The following PCYT1A variants were observed in gnomAD, a reference collection of about 807,000 sequenced individuals.
The protein encoded by PCYT1A is phosphate cytidylyltransferase 1A, choline.
Under a neutral mutation model 43.7 loss-of-function variants are expected in PCYT1A, and 25 were observed. The ratio of observed to expected loss-of-function variants is 0.57; its 90% CI spans 0.42 to 0.80. The LOEUF is 0.80. Among genes scored for constraint, PCYT1A ranks in the 30% least tolerant of loss-of-function variants. The pLI, the probability that PCYT1A is intolerant of heterozygous loss-of-function variation, is 0.00. For missense variants in PCYT1A, 421 were observed against 474.2 expected (o/e 0.89, Z 1.04); for synonymous variants, 172 against 170.7 (o/e 1.01, Z -0.06).
intron 3 of PCYT1A, among the ~76,000 whole-genome samples, chr3:196,250,066 G>A (rs1467132754): frequency 1.3e-5 from 2 of 150,506 alleles, no homozygotes; most frequent in African/African-American, 4.9e-5. Flanking sequence ...ACCATGCCGA[G>A]GCTGAGGACC....
intron 3 of PCYT1A, among the ~76,000 whole-genome samples, chr3:196,257,466 A>G (rs960609978): frequency 6.6e-6 from 1 of 152,240 alleles, no homozygotes; most frequent in South Asian, 2.1e-4. Flanking sequence ...ACCCTGACAC[A>G]TGATTTGGAC....
At chr3:196,283,239 G>A (rs1407612368) in intron 1 of PCYT1A, among the ~76,000 whole-genome samples, 1 of 152,050 alleles carries the variant, frequency 6.6e-6, no homozygotes. Context: ...GCAGGAGATC[G>A]CTTGAACCCA....
chr3:196,241,740 T>C (rs1186456499), intron 7 of PCYT1A: 3 of 1,293,432 alleles, frequency 2.3e-6, no homozygotes, highest in African/African-American at 1.5e-5. Context: ...GCTGTATGGC[T>C]TTATACGAAT....
chr3:196,275,867 G>C (rs1725573713), intron 1 of PCYT1A, among the ~76,000 whole-genome samples: 2 of 152,070 alleles, frequency 1.3e-5, no homozygotes, highest in Non-Finnish European at 2.9e-5. Context: ...GGACGCCAAG[G>C]CAGGCGGATC....
intron 7 of PCYT1A, 57 bp downstream of exon 7, chr3:196,241,891 G>T: frequency 6.3e-7 from 1 of 1,588,524 alleles, no homozygotes; most frequent in Non-Finnish European, 8.6e-7. Context: ...GAGATGGAGT[G>T]GGAGGTGATA....
chr3:196,275,484 T>C (rs2173600), intron 1 of PCYT1A, among the ~76,000 whole-genome samples: 121,970 of 152,196 alleles, frequency 0.8, 49,866 homozygotes, highest in East Asian at 0.98. Flanking sequence ...GCCTGTAATC[T>C]CAGCCTTTGG....
chr3:196,239,953 A>G, intron 7 of PCYT1A: 2 of 516,874 alleles, frequency 3.9e-6, no homozygotes, highest in Non-Finnish European at 6.9e-6. Context: ...GGCATTTGGG[A>G]ATAAACTAAA....
chr3:196,239,925 G>A (rs1724299940), intron 7 of PCYT1A, 190 bp from the exon 8 acceptor site: 3 of 550,366 alleles, frequency 5.5e-6, no homozygotes, highest in South Asian at 2.7e-5. Flanking sequence ...CACAAGAAGT[G>A]GTAATTCTAA....
chr3:196,257,705 T>C (rs1724989606), intron 3 of PCYT1A, 83 bp downstream of exon 3: 4 of 864,914 alleles, frequency 4.6e-6, no homozygotes, highest in Admixed American at 3.8e-5. Flanking sequence ...GGGCAGTATA[T>C]AGAGAGCAGG....
chr3:196,270,724 T>C (rs140008925), intron 1 of PCYT1A, among the ~76,000 whole-genome samples, 183 bp from the exon 2 acceptor site: 149 of 152,308 alleles, frequency 9.8e-4, no homozygotes, highest in African/African-American at 3.2e-3. Context: ...CAGGCTCTAG[T>C]AGAAATACTG....
rs902343913 is a variant in PCYT1A, at chr3:196,236,412, T to A, written c.*2276A>T. On this transcript the variant is annotated 3_prime_UTR_variant, in exon 9 of 9. Transcript: ENST00000431016. Reference sequence around the variant, plus strand: ...GCAGAAAAGTTCAAAGATGAGACTATGTAACACTGGGTAACACAGGAAAAC... The same window carrying A: ...GCAGAAAAGTTCAAAGATGAGACTAAGTAACACTGGGTAACACAGGAAAAC... 6.6e-6 allele frequency: 1 copy of A among 152,254 alleles called. No homozygotes were observed. Among genetic ancestry groups the A allele is most frequent in the East Asian group, 1.9e-4 (1 of 5,204 alleles). The allele number at this position is 152,254 out of a possible 1,614,324, so 9.4% of individuals were successfully genotyped here. A position where few individuals can be genotyped will look rare whatever the true frequency, so the allele number is the denominator to read the frequency against.
intron 1 of PCYT1A, among the ~76,000 whole-genome samples, chr3:196,272,381 TC>T (rs1725457655): frequency 6.6e-6 from 1 of 152,204 alleles, no homozygotes; most frequent in African/African-American, 2.4e-5. Flanking sequence ...AGACAGGGTT[TC>T]CCTATGTTGG....
In PCYT1A at chr3:196,273,514, C is replaced by T. The variant is rs1725496726; in HGVS notation, c.-10-2973G>A. Among the ~76,000 whole-genome samples, 1 of 152,212 alleles carries T rather than the reference C, an allele frequency of 6.6e-6. No individual in the cohort carries two copies. Among genetic ancestry groups the T allele is most frequent in the Admixed American group, 6.5e-5 (1 of 15,286 alleles). On this transcript the variant is annotated intron_variant, in intron 1 of 8. Coordinates refer to ENST00000431016, the MANE Select transcript of PCYT1A (RefSeq NM_001312673.2). This position sits in a 1 kb window ranked among gnomAD's most constrained non-coding sequence, Gnocchi z 4.1. ...ACAACAGCCCTCAGGAGACCCCAAG[C>T]GGGTAGCTCCTTTCCGCAGCAGGTC... is the stretch of plus-strand genomic sequence containing the variant.
intron 5 of PCYT1A, among the ~76,000 whole-genome samples, chr3:196,245,436 G>A (rs540267580): frequency 6.6e-6 from 1 of 152,230 alleles, no homozygotes; most frequent in East Asian, 1.9e-4. Context: ...CACAGCGCCT[G>A]GCCATTTTAC....
intron 8 of PCYT1A, 129 bp from the exon 9 acceptor site, chr3:196,239,023 GGGAAA>G: frequency 2.1e-6 from 1 of 470,952 alleles, no homozygotes; most frequent in Non-Finnish European, 3.5e-6. Flanking sequence ...GTCATCACCC[GGGAAA>G]TTCCCCATTC....
At chr3:196,241,392 C>G in intron 7 of PCYT1A, 1 of 487,082 alleles carries the variant, frequency 2.1e-6, no homozygotes, top group Non-Finnish European at 3.5e-6. Flanking sequence ...CGCTATGTTG[C>G]CCCCAGACTG....
intron 1 of PCYT1A, among the ~76,000 whole-genome samples, chr3:196,272,937 G>A (rs1023822155): frequency 2.0e-5 from 3 of 152,214 alleles, no homozygotes; most frequent in Non-Finnish European, 2.9e-5. Context: ...ACTCAGCCTG[G>A]TAGGCTATGC....
intron 2 of PCYT1A, among the ~76,000 whole-genome samples, chr3:196,269,641 G>A (rs773175889): frequency 3.6e-4 from 55 of 152,018 alleles, no homozygotes; most frequent in Non-Finnish European, 6.9e-4. Context: ...TCTAAGGTTT[G>A]GCAATAATTA....
At chr3:196,243,577 A>G (rs1724436233) in intron 5 of PCYT1A, among the ~76,000 whole-genome samples, 1 of 149,452 alleles carries the variant, frequency 6.7e-6, no homozygotes, top group African/African-American at 2.5e-5. Context: ...TCTCCCTCTG[A>G]TGCCGAGCGG....
Sources: gnomAD v4.1 joint callset for allele counts (sites outside exome capture counted in the v4.1 genomes callset) on GRCh38, gnomAD v4.1.1 for gene constraint, Gnocchi (gnomAD v3.1) non-coding constraint, MANE v1.5 for transcripts, NCBI Gene and HGNC (gene_info 2026-07-23, HGNC 2026-07-21) for gene names.